The following TBC1D19 variants were observed in gnomAD, a reference collection of about 807,000 sequenced individuals.
TBC1D19 encodes the protein TBC1 domain family, member 19.
A neutral mutation model predicts 89.0 loss-of-function variants in TBC1D19; 60 were observed. The observed-to-expected ratio is 0.67, with a 90% CI of 0.55 to 0.84. The LOEUF is 0.84. TBC1D19 is among the 40% of genes least tolerant of loss of function. The probability of loss-of-function intolerance (pLI) is 0.00; values close to 1 mark genes in which losing one functional copy is unlikely to be tolerated. For synonymous variants in TBC1D19, 189 were observed against 199.7 expected (o/e 0.95, Z 0.45); for missense variants, 500 against 610.8 (o/e 0.82, Z 1.91).
At chr4:26,853,905 C>T in the TBC1D19 span, among the ~76,000 whole-genome samples, 4 of 152,328 alleles carry the variant, frequency 2.6e-5, no homozygotes, top group South Asian at 2.1e-4. Context: ...TGTGCTCATC[C>T]GTAATTCAAA....
At chr4:26,745,986 A>G (rs1718627458) in intron 18 of TBC1D19, among the ~76,000 whole-genome samples, 1 of 152,140 alleles carries the variant, frequency 6.6e-6, no homozygotes, top group African/African-American at 2.4e-5. Context: ...TGATATATCT[A>G]GGCATAGATT....
intron 15 of TBC1D19, among the ~76,000 whole-genome samples, chr4:26,734,484 T>G (rs1336475986): frequency 6.6e-6 from 1 of 152,144 alleles, no homozygotes; most frequent in African/African-American, 2.4e-5. Context: ...AAATTCAAAT[T>G]TTTTACTTGG....
At chr4:26,694,589 G>A (rs1425924883) in intron 13 of TBC1D19, among the ~76,000 whole-genome samples, 11 of 152,160 alleles carry the variant, frequency 7.2e-5, no homozygotes, top group Admixed American at 4.6e-4. Flanking sequence ...ACAGACAGAC[G>A]GCCTCCTCAA....
At chr4:26,754,039 C>G (rs1719130844) in intron 20 of TBC1D19, 149 bp downstream of exon 20, 1 of 650,742 alleles carries the variant, frequency 1.5e-6, no homozygotes, top group African/African-American at 1.8e-5. Context: ...GCTAATAATA[C>G]TTAAGGATTC....
At position 26,673,424 on chromosome 4, in the gene TBC1D19, C is replaced by CATAT. The variant is rs769124292; in HGVS notation, c.704-332_704-329dup. On this transcript the variant is annotated intron_variant, in intron 10 of 20. Transcript: ENST00000264866. ...TGATAATGGAATCTAAAAATTATTT[C>CATAT]ATATATATATATATATATATATACA... Among the ~76,000 whole-genome samples the CATAT allele has an allele frequency of 7.2e-4, 76 of 106,012 alleles. 1 individual carries two copies. Among genetic ancestry groups the CATAT allele is most frequent in the African/African-American group, 1.8e-3 (51 of 29,002 alleles). The allele number at this position is 106,012 out of a possible 152,430, so 69.5% of individuals were successfully genotyped here. A position where few individuals can be genotyped will look rare whatever the true frequency, so the allele number is the denominator to read the frequency against.
intron 9 of TBC1D19, among the ~76,000 whole-genome samples, chr4:26,667,153 A>ATAAACATATAG (rs1294271323): frequency 6.6e-6 from 1 of 151,966 alleles, no homozygotes; most frequent in Non-Finnish European, 1.5e-5. Flanking sequence ...GGCACATACT[A>ATAAACATATAG]TATGTTGCAT....
At chr4:26,842,583 C>CCTTCCTTTCTTTCTTTCTTCCTTTCTTT in the TBC1D19 span, among the ~76,000 whole-genome samples, 8 of 70,536 alleles carry the variant, frequency 1.1e-4, no homozygotes, top group Non-Finnish European at 1.7e-4. Flanking sequence ...TTCCTCCCTC[C>CCTTCCTTTCTTTCTTTCTTCCTTTCTTT]CTTTCTTTCT....
At chr4:26,653,796 C>T (rs1343186655) in intron 7 of TBC1D19, among the ~76,000 whole-genome samples, 2 of 152,148 alleles carry the variant, frequency 1.3e-5, no homozygotes, top group African/African-American at 4.8e-5. Flanking sequence ...CTCCTGAATA[C>T]AGCACACTGA....
At chr4:26,772,377 G>T in the TBC1D19 span, among the ~76,000 whole-genome samples, 1 of 152,048 alleles carries the variant, frequency 6.6e-6, no homozygotes, top group African/African-American at 2.4e-5. Context: ...GGCTGACCAT[G>T]CTCTTACACA....
At position 26,637,038 on chromosome 4, in the gene TBC1D19, T is replaced by C. The variant is rs543583424; in HGVS notation, c.295-173T>C. ...ACTGCTTAATTCATAGCACAAAGGA[T>C]AGTATCTGGCATATAGTAGGCAATA... On this transcript the variant is annotated intron_variant, in intron 4 of 20. Coordinates refer to ENST00000264866, the MANE Select transcript of TBC1D19 (RefSeq NM_018317.4). Among the ~76,000 whole-genome samples, 8 of 152,272 alleles carry C rather than the reference T, an allele frequency of 5.3e-5. No homozygotes were observed. In the East Asian group the frequency reaches 1.5e-3, roughly 29 times the overall value.
the TBC1D19 span, among the ~76,000 whole-genome samples, chr4:26,849,023 T>C: frequency 6.6e-6 from 1 of 151,942 alleles, no homozygotes; most frequent in East Asian, 1.9e-4. Flanking sequence ...TAAACAAAAA[T>C]TAGCTGGGCC....
At chr4:26,764,353 G>A in the TBC1D19 span, among the ~76,000 whole-genome samples, 1 of 152,114 alleles carries the variant, frequency 6.6e-6, no homozygotes, top group African/African-American at 2.4e-5. Flanking sequence ...TATTCCCTGA[G>A]CTTTACAGAG....
chr4:26,756,453 T>C (rs898814795), downstream of TBC1D19, among the ~76,000 whole-genome samples: 7 of 152,170 alleles, frequency 4.6e-5, no homozygotes, highest in African/African-American at 1.7e-4. Flanking sequence ...AATAGTCTAG[T>C]ACACTAGATT....
chr4:26,780,058 G>A, the TBC1D19 span, among the ~76,000 whole-genome samples: 747 of 152,240 alleles, frequency 4.9e-3, 4 homozygotes, highest in African/African-American at 0.017. Flanking sequence ...CTGAGATGGC[G>A]AAACACTTAC....
the TBC1D19 span, among the ~76,000 whole-genome samples, chr4:26,846,655 A>G: frequency 1.3e-5 from 2 of 152,318 alleles, no homozygotes; most frequent in South Asian, 4.1e-4. Context: ...ATTATTTCCC[A>G]TCAAGATTAT....
At chr4:26,841,871 T>C in the TBC1D19 span, among the ~76,000 whole-genome samples, 562 of 152,320 alleles carry the variant, frequency 3.7e-3, 4 homozygotes, top group African/African-American at 0.013. Flanking sequence ...CTCAATGTTC[T>C]AATATTTACA....
intron 1 of TBC1D19, among the ~76,000 whole-genome samples, chr4:26,593,496 A>C (rs1739971349): frequency 6.6e-6 from 1 of 152,226 alleles, no homozygotes; most frequent in African/African-American, 2.4e-5. Context: ...AATGTGATCT[A>C]ATTAAACTAA....
chr4:26,680,369 T>A (rs1267299287), intron 11 of TBC1D19, among the ~76,000 whole-genome samples: 1 of 152,214 alleles, frequency 6.6e-6, no homozygotes, highest in Non-Finnish European at 1.5e-5. Context: ...TTAAAAAAAA[T>A]CTTTTTTTCT....
At chr4:26,732,839 C>T (rs1321574273) in intron 15 of TBC1D19, among the ~76,000 whole-genome samples, 1 of 152,132 alleles carries the variant, frequency 6.6e-6, no homozygotes, top group Non-Finnish European at 1.5e-5. Flanking sequence ...AAAAAGGATA[C>T]ATCCTCCTCT....
Sources: allele counts gnomAD v4.1 joint callset (sites outside exome capture counted in the v4.1 genomes callset), GRCh38; gene constraint gnomAD v4.1.1; transcripts MANE v1.5; gene names NCBI Gene and HGNC (gene_info 2026-07-23, HGNC 2026-07-21).